DCC: variants seen among roughly 807,000 people sequenced by gnomAD.
DCC encodes netrin receptor DCC.
In DCC, 58 loss-of-function variants were observed where a neutral mutation model predicts 172.5. That is an observed-to-expected ratio of 0.34 (90% confidence interval 0.27 to 0.42). The LOEUF is 0.42. Among genes scored for constraint, DCC ranks in the 10% least tolerant of loss-of-function variants. The pLI is 1.00. For missense variants in DCC, 1,740 were observed against 1,791.0 expected (o/e 0.97, Z 0.51); for synonymous variants, 709 against 644.5 (o/e 1.10, Z -1.52).
At chr18:52,421,364 C>T (rs1037222247) in intron 1 of DCC, among the ~76,000 whole-genome samples, 2 of 152,150 alleles carry the variant, frequency 1.3e-5, no homozygotes, top group African/African-American at 2.4e-5. Flanking sequence ...GATGACATTC[C>T]TAGTAACAGC....
chr18:53,373,606 G>A (rs1224283470), intron 15 of DCC, among the ~76,000 whole-genome samples: 1 of 152,004 alleles, frequency 6.6e-6, no homozygotes, highest in Non-Finnish European at 1.5e-5. Flanking sequence ...GGTTAAAAAT[G>A]AGTTCAGTTT....
intron 1 of DCC, among the ~76,000 whole-genome samples, chr18:52,501,262 A>G (rs938766679): frequency 2.0e-5 from 3 of 152,132 alleles, no homozygotes; most frequent in Non-Finnish European, 4.4e-5. Context: ...TTTATTAAAG[A>G]TGGAGCAGGT....
At chr18:53,039,895 A>T (rs1484534835) in intron 5 of DCC, among the ~76,000 whole-genome samples, 1 of 151,968 alleles carries the variant, frequency 6.6e-6, no homozygotes, top group East Asian at 1.9e-4. Flanking sequence ...TCCTACTGGA[A>T]TGTCCATTCC....
intron 12 of DCC, among the ~76,000 whole-genome samples, chr18:53,264,415 G>T (rs2056644381): frequency 6.7e-6 from 1 of 149,662 alleles, no homozygotes; most frequent in Non-Finnish European, 1.5e-5. Context: ...GGTGGAGGTT[G>T]CAGTGAGCTG....
At chr18:52,930,263 C>A (rs2040288072) in intron 5 of DCC, among the ~76,000 whole-genome samples, 1 of 152,060 alleles carries the variant, frequency 6.6e-6, no homozygotes, top group African/African-American at 2.4e-5. Flanking sequence ...TCGCACCCAA[C>A]CTTCAGCTTT....
In DCC at chr18:52,427,819, C is replaced by CCTTTCTTCCTTCCTTCCTTCCTTT. The variant is rs772625577; in HGVS notation, c.91+86944_91+86945insTCTTCCTTCCTTCCTTCCTTTCTT. On this transcript the variant is annotated intron_variant, in intron 1 of 28. Coordinates refer to ENST00000442544, the MANE Select transcript of DCC (RefSeq NM_005215.4). ...ACTAACTTTCTTTTCTTCCTTTCTTCCTTCCTTCCTTCCTTTCTTCCTTCC... is the reference window on the plus strand; with the variant it reads ...ACTAACTTTCTTTTCTTCCTTTCTTCCTTTCTTCCTTCCTTCCTTCCTTTCTTCCTTCCTTCCTTTCTTCCTTCC... 4.2e-3 allele frequency among the ~76,000 whole-genome samples: 383 copies of CCTTTCTTCCTTCCTTCCTTCCTTT among 91,244 alleles called. 14 individuals carry two copies. The highest frequency in any genetic ancestry group is 0.015 in the African/African-American group (349 of 23,148). 59.9% of individuals were successfully genotyped at this position (91,244 alleles called of 152,430 possible). A position where few individuals can be genotyped will look rare whatever the true frequency, so the allele number is the denominator to read the frequency against.
chr18:53,162,216 G>A lies in DCC; in HGVS notation c.1418+4704G>A, dbSNP rs191617218. Among the ~76,000 whole-genome samples the A allele has an allele frequency of 3.9e-3, 581 of 149,682 alleles. 6 individuals are homozygous for A. Among genetic ancestry groups the A allele is most frequent in the South Asian group, 5.1e-3 (24 of 4,698 alleles). ...TAGAATGGTGAGGCAGGGGAATTGC[G>A]TGAACCTGGGAGGTGGAGATGGCAG... is the stretch of plus-strand genomic sequence containing the variant. On this transcript the variant is annotated intron_variant, in intron 8 of 28. Transcript: ENST00000442544.
chr18:53,025,086 C>T (rs1439349408), intron 5 of DCC, among the ~76,000 whole-genome samples: 4 of 152,030 alleles, frequency 2.6e-5, no homozygotes, highest in Non-Finnish European at 5.9e-5. Flanking sequence ...AGATGAAAAG[C>T]TTTAATCTAT....
intron 15 of DCC, among the ~76,000 whole-genome samples, chr18:53,366,206 G>A (rs1470243038): frequency 2.0e-5 from 3 of 151,880 alleles, no homozygotes; most frequent in Admixed American, 6.6e-5. Flanking sequence ...GGAGGCACTC[G>A]CCACCATGAC....
chr18:52,908,672 A>G (rs147192928), intron 3 of DCC, among the ~76,000 whole-genome samples: 138 of 152,308 alleles, frequency 9.1e-4, no homozygotes, highest in African/African-American at 3.2e-3. Context: ...TCACCTTGCA[A>G]CAGCCATTTG....
At chr18:53,240,079 A>C (rs892271772) in intron 12 of DCC, among the ~76,000 whole-genome samples, 7 of 151,238 alleles carry the variant, frequency 4.6e-5, no homozygotes, top group African/African-American at 1.7e-4. Context: ...CCAATGTGTA[A>C]TATGCAATCA....
chr18:52,668,589 T>A (rs2035496741), intron 1 of DCC, among the ~76,000 whole-genome samples: 1 of 152,172 alleles, frequency 6.6e-6, no homozygotes, highest in South Asian at 2.1e-4. Flanking sequence ...CTCTGGGAAA[T>A]TCTATGTGGG....
chr18:52,713,018 A>T (rs985020920), intron 1 of DCC, among the ~76,000 whole-genome samples: 5 of 152,060 alleles, frequency 3.3e-5, no homozygotes, highest in African/African-American at 1.2e-4. Flanking sequence ...TTTACTTTTG[A>T]ATTAATTTTC....
At chr18:53,218,607 A>T (rs143456788) in intron 12 of DCC, among the ~76,000 whole-genome samples, 282 of 152,256 alleles carry the variant, frequency 1.9e-3, no homozygotes, top group African/African-American at 6.5e-3. Context: ...TTGTTGTACT[A>T]ATGGCTTGAC....
At chr18:53,333,080 A>C (rs943071706) in intron 14 of DCC, among the ~76,000 whole-genome samples, 2 of 152,038 alleles carry the variant, frequency 1.3e-5, no homozygotes, top group African/African-American at 4.8e-5. Context: ...AAAAAAAAAA[A>C]AAAAGGAGAA....
chr18:53,190,458 CTGTGTGTGTGTGTGTGTGTGTGTG>C (rs67103778), intron 9 of DCC, among the ~76,000 whole-genome samples: 2 of 146,372 alleles, frequency 1.4e-5, no homozygotes, highest in South Asian at 2.2e-4. Flanking sequence ...ACTGCTAACT[CTGTGTGTGTGTGTGTGTGTGTGTG>C]TGTGTGTGTG....
chr18:53,201,197 C>A (rs890147626), intron 9 of DCC, among the ~76,000 whole-genome samples: 1 of 152,114 alleles, frequency 6.6e-6, no homozygotes, highest in African/African-American at 2.4e-5. Context: ...TCAGCTCTCA[C>A]CTGCTTTGAA....
chr18:53,354,261 C>T (rs186226870), intron 15 of DCC, among the ~76,000 whole-genome samples: 1 of 152,214 alleles, frequency 6.6e-6, no homozygotes, highest in African/African-American at 2.4e-5. Flanking sequence ...GCTTTATAAT[C>T]CTTTGGGTAT....
At chr18:53,044,905 G>T (rs2042215892) in intron 5 of DCC, among the ~76,000 whole-genome samples, 1 of 151,766 alleles carries the variant, frequency 6.6e-6, no homozygotes, top group Non-Finnish European at 1.5e-5. Flanking sequence ...ATAGAATATA[G>T]ATGTTTATAG....
Sources: allele counts gnomAD v4.1 joint callset (sites outside exome capture counted in the v4.1 genomes callset), GRCh38; gene constraint gnomAD v4.1.1; transcripts MANE v1.5; gene names NCBI Gene and HGNC (gene_info 2026-07-23, HGNC 2026-07-21).